Variants in ABR observed in about 807,000 individuals in gnomAD.
The protein encoded by ABR is active breakpoint cluster region-related protein.
A neutral mutation model predicts 107.2 loss-of-function variants in ABR; 35 were observed. The ratio of observed to expected loss-of-function variants is 0.33; its 90% CI spans 0.25 to 0.43. ABR has a LOEUF of 0.43. Among genes scored for constraint, ABR ranks in the 20% least tolerant of loss-of-function variants. The pLI is 1.00. For synonymous variants in ABR, 498 were observed against 462.0 expected (o/e 1.08, Z -1.00); for missense variants, 815 against 1,115.2 (o/e 0.73, Z 3.83).
intron 1 of ABR, among the ~76,000 whole-genome samples, chr17:1,143,228 G>A (rs371579944): frequency 0.019 from 73 of 3,806 alleles, 1 homozygote; most frequent in African/African-American, 0.073. Context: ...CTCCTGGGGG[G>A]CAGCTCGCTC....
At chr17:1,075,813 G>C (rs1423593755) in intron 6 of ABR, among the ~76,000 whole-genome samples, 1 of 152,204 alleles carries the variant, frequency 6.6e-6, no homozygotes, top group Non-Finnish European at 1.5e-5. Flanking sequence ...AGGCCGAAGC[G>C]GGTGGATCAT....
chr17:1,059,930 G>C (rs1478296168), intron 10 of ABR, among the ~76,000 whole-genome samples: 2 of 152,182 alleles, frequency 1.3e-5, no homozygotes, highest in African/African-American at 4.8e-5. Flanking sequence ...AGAGGTAAAA[G>C]CCTGTCAATT....
intron 4 of ABR, among the ~76,000 whole-genome samples, chr17:1,086,153 A>G (rs2036578030): frequency 6.6e-6 from 1 of 152,190 alleles, no homozygotes; most frequent in Non-Finnish European, 1.5e-5. Context: ...TCTCAAAAAA[A>G]CAAAAAAAAG....
intron 10 of ABR, among the ~76,000 whole-genome samples, chr17:1,061,686 A>G (rs979532540): frequency 2.0e-5 from 3 of 151,912 alleles, no homozygotes; most frequent in African/African-American, 4.8e-5. Flanking sequence ...GGCTGGGATT[A>G]CAGGCACCCA....
At position 1,037,983 on chromosome 17, in the gene ABR, G is replaced by A. The variant is rs1166054894; in HGVS notation, c.1791+12067C>T. The stretch of plus-strand genomic sequence containing the variant: ...TCTTTTCTGCTGAGGACGCACCCCT[G>A]CCGTTTTTTCCAAATGAAATTTTAT... On this transcript the variant is annotated intron_variant, in intron 16 of 22. Coordinates refer to ENST00000302538, the MANE Select transcript of ABR (RefSeq NM_021962.5). This position sits in a 1 kb window ranked among gnomAD's most constrained non-coding sequence, Gnocchi z 4.6. Among the ~76,000 whole-genome samples the A allele has an allele frequency of 6.6e-6, 1 of 152,186 alleles. No individual in the cohort carries two copies. Among genetic ancestry groups the A allele is most frequent in the Non-Finnish European group, 1.5e-5 (1 of 68,032 alleles).
At chr17:1,117,369 G>A (rs1482754081) in intron 2 of ABR, among the ~76,000 whole-genome samples, 481 of 62,486 alleles carry the variant, frequency 7.7e-3, no homozygotes, top group African/African-American at 0.021. Context: ...TTATCCCTGA[G>A]CCTGAGTTCC....
rs1171227276 is a variant in ABR at position 1,051,506 on chromosome 17, C to T, written c.1562-872G>A. On this transcript the variant is annotated intron_variant, in intron 14 of 22. Transcript: ENST00000302538. This position sits in a 1 kb window ranked among gnomAD's most constrained non-coding sequence, Gnocchi z 4.3. ...TTCAGGCTGAAAATCTACCTTGGGA[C>T]CCAACTGCTGAGGCCACAGCACCGG... Among the ~76,000 whole-genome samples, 1 of 152,186 alleles carries T rather than the reference C, an allele frequency of 6.6e-6. No homozygotes were observed. Among genetic ancestry groups the T allele is most frequent in the Non-Finnish European group, 1.5e-5 (1 of 68,024 alleles).
chr17:1,057,904 A>G, intron 12 of ABR, 66 bp downstream of exon 12: 1 of 1,450,152 alleles, frequency 6.9e-7, no homozygotes, highest in Non-Finnish European at 9.7e-7. Context: ...TGAAACGCTT[A>G]GAAATACAAA....
upstream of ABR, among the ~76,000 whole-genome samples, chr17:1,183,480 C>T (rs1483074737): frequency 6.6e-6 from 1 of 152,298 alleles, no homozygotes; most frequent in Non-Finnish European, 1.5e-5. Flanking sequence ...ATCCCATTTT[C>T]AAGGCTATTT....
At chr17:1,180,231 G>C (rs1203259074), upstream of ABR, among the ~76,000 whole-genome samples, 1 of 152,076 alleles carries the variant, frequency 6.6e-6, no homozygotes, top group Non-Finnish European at 1.5e-5. Flanking sequence ...CCCCCGCGCC[G>C]GGCTCAGCAG....
intron 16 of ABR, among the ~76,000 whole-genome samples, chr17:1,015,812 T>C (rs1221360909): frequency 6.6e-6 from 1 of 152,190 alleles, no homozygotes; most frequent in African/African-American, 2.4e-5. Flanking sequence ...GGTGGAATGC[T>C]CTCTCAATGA....
At chr17:1,056,927 C>T in intron 13 of ABR, 71 bp downstream of exon 13, 1 of 1,070,498 alleles carries the variant, frequency 9.3e-7, no homozygotes, top group South Asian at 1.3e-5. Flanking sequence ...TGTCTGAGTC[C>T]TTACGGGAAG....
chr17:1,203,401 G>GGGGGCGGAGTCTGC (rs1567889082), intron 1 of ABR, among the ~76,000 whole-genome samples: 5 of 12,624 alleles, frequency 4.0e-4, no homozygotes, highest in East Asian at 2.1e-3. Flanking sequence ...CGGGGCCCGC[G>GGGGGCGGAGTCTGC]GGGGGCGGAG....
chr17:1,173,938 G>T (rs1022659415), intron 1 of ABR, among the ~76,000 whole-genome samples: 1 of 152,162 alleles, frequency 6.6e-6, no homozygotes, highest in African/African-American at 2.4e-5. Flanking sequence ...CACCTTCAAA[G>T]CACTTTATAA....
chr17:1,042,130 G>A (rs143031874), intron 16 of ABR, among the ~76,000 whole-genome samples: 7 of 152,330 alleles, frequency 4.6e-5, no homozygotes, highest in African/African-American at 1.7e-4. Context: ...CGAAAGGCAA[G>A]AGCGTTTTGG....
intron 1 of ABR, among the ~76,000 whole-genome samples, chr17:1,139,993 G>A (rs2040228024): frequency 6.6e-6 from 1 of 152,194 alleles, no homozygotes. Flanking sequence ...TCAGACTGCA[G>A]AGGGCCTGGA....
intron 16 of ABR, among the ~76,000 whole-genome samples, chr17:1,044,029 C>G (rs2031130228): frequency 6.6e-6 from 1 of 152,234 alleles, no homozygotes; most frequent in South Asian, 2.1e-4. Flanking sequence ...GCGCTCTCCT[C>G]AGGCCCAGCC....
intron 2 of ABR, among the ~76,000 whole-genome samples, chr17:1,111,492 C>T (rs1312119260): frequency 6.6e-6 from 1 of 151,172 alleles, no homozygotes; most frequent in East Asian, 1.9e-4. Context: ...GACCTGAGCT[C>T]CACACTCCAT....
chr17:1,224,489 G>T (rs1697171651), intron 1 of ABR, among the ~76,000 whole-genome samples: 1 of 152,136 alleles, frequency 6.6e-6, no homozygotes. Flanking sequence ...GCAAAGCCTG[G>T]ATTGCCCAAT....
Sources: allele counts gnomAD v4.1 joint callset (sites outside exome capture counted in the v4.1 genomes callset), GRCh38; gene constraint gnomAD v4.1.1; non-coding constraint Gnocchi (gnomAD v3.1); transcripts MANE v1.5; gene names NCBI Gene and HGNC (gene_info 2026-07-23, HGNC 2026-07-21).